The following ARB2A variants were observed in gnomAD, a reference collection of about 807,000 sequenced individuals.
ARB2A encodes cotranscriptional regulator ARB2A.
chr5:93,706,012 T>A, the ARB2A span, among the ~76,000 whole-genome samples: 1 of 152,128 alleles, frequency 6.6e-6, no homozygotes, highest in Non-Finnish European at 1.5e-5. Context: ...AACAGAAAAT[T>A]ACTATATGAC....
chr5:93,698,225 A>G, the ARB2A span, among the ~76,000 whole-genome samples: 3 of 152,168 alleles, frequency 2.0e-5, no homozygotes, highest in South Asian at 2.1e-4. Flanking sequence ...GTTATTTCCA[A>G]GTTGGCATTC....
At chr5:94,011,986 C>A in the ARB2A span, among the ~76,000 whole-genome samples, 1 of 141,700 alleles carries the variant, frequency 7.1e-6, no homozygotes, top group East Asian at 2.0e-4. Context: ...GGAAAATGAG[C>A]GTTCAGATAG....
the ARB2A span, among the ~76,000 whole-genome samples, chr5:93,844,994 T>C: frequency 2.0e-5 from 3 of 152,330 alleles, no homozygotes; most frequent in South Asian, 2.1e-4. Context: ...AGGTAGACCA[T>C]GGAAAGCTTA....
the ARB2A span, among the ~76,000 whole-genome samples, chr5:93,964,170 G>A: frequency 6.6e-6 from 1 of 152,014 alleles, no homozygotes; most frequent in South Asian, 2.1e-4. Context: ...AGTGAAATGA[G>A]AAAGGGTACA....
chr5:93,786,604 G>GT, the ARB2A span, among the ~76,000 whole-genome samples: 1 of 152,204 alleles, frequency 6.6e-6, no homozygotes, highest in Admixed American at 6.5e-5. Flanking sequence ...TTTAGGATTA[G>GT]TAGAATTGTG....
At chr5:93,752,342 A>G in the ARB2A span, among the ~76,000 whole-genome samples, 2 of 152,358 alleles carry the variant, frequency 1.3e-5, no homozygotes, top group Admixed American at 1.3e-4. Context: ...TAGTGTTTCC[A>G]TATTAACTCA....
the ARB2A span, among the ~76,000 whole-genome samples, chr5:93,926,428 C>T: frequency 5.3e-5 from 8 of 152,016 alleles, no homozygotes; most frequent in African/African-American, 1.4e-4. Context: ...CCACCGTGCC[C>T]GGCCTATATT....
At chr5:93,778,618 G>A in the ARB2A span, among the ~76,000 whole-genome samples, 2 of 152,072 alleles carry the variant, frequency 1.3e-5, no homozygotes, top group African/African-American at 4.8e-5. Context: ...GACAGGCAGC[G>A]ATTAGGTACT....
the ARB2A span, among the ~76,000 whole-genome samples, chr5:93,762,608 C>A: frequency 2.0e-5 from 3 of 152,154 alleles, no homozygotes; most frequent in African/African-American, 7.2e-5. Flanking sequence ...GAGAATGGAA[C>A]GAAGTTGGAA....
chr5:93,657,872 C>T, the ARB2A span, among the ~76,000 whole-genome samples: 2 of 152,228 alleles, frequency 1.3e-5, no homozygotes, highest in Non-Finnish European at 2.9e-5. Context: ...CTACACAGTA[C>T]CCTTGGCACA....
chr5:93,949,837 A>G, the ARB2A span, among the ~76,000 whole-genome samples: 1 of 151,934 alleles, frequency 6.6e-6, no homozygotes, highest in Non-Finnish European at 1.5e-5. Context: ...TCCACTCTCT[A>G]TCTCCCTGAG....
the ARB2A span, among the ~76,000 whole-genome samples, chr5:94,034,235 A>G: frequency 6.6e-6 from 1 of 152,336 alleles, no homozygotes; most frequent in South Asian, 2.1e-4. Context: ...AAGGTCAGCT[A>G]TCTGGTAACC....
At chr5:93,852,330 G>A in the ARB2A span, among the ~76,000 whole-genome samples, 36 of 152,106 alleles carry the variant, frequency 2.4e-4, no homozygotes, top group Non-Finnish European at 3.5e-4. Context: ...ATTTGTTGGA[G>A]TTCATTATAG....
chr5:94,039,534 G>GT, the ARB2A span, among the ~76,000 whole-genome samples: 1 of 152,154 alleles, frequency 6.6e-6, no homozygotes, highest in Admixed American at 6.5e-5. Flanking sequence ...TGTACCCCTT[G>GT]TTCAGCATAT....
At chr5:93,858,207 G>C in the ARB2A span, among the ~76,000 whole-genome samples, 1 of 152,200 alleles carries the variant, frequency 6.6e-6, no homozygotes, top group Non-Finnish European at 1.5e-5. Flanking sequence ...AAGCTCATTA[G>C]AGATTCAGAA....
chr5:93,924,194 T>C, the ARB2A span, among the ~76,000 whole-genome samples: 11 of 152,128 alleles, frequency 7.2e-5, no homozygotes, highest in Non-Finnish European at 1.2e-4. Flanking sequence ...TAGATCATTT[T>C]TGAAACCACT....
At chr5:93,904,931 T>C in the ARB2A span, among the ~76,000 whole-genome samples, 4 of 151,686 alleles carry the variant, frequency 2.6e-5, no homozygotes, top group Admixed American at 6.6e-5. Context: ...ATTAGAAGCA[T>C]AGGCCTAAAA....
chr5:93,853,011 G>T, the ARB2A span, among the ~76,000 whole-genome samples: 1 of 152,318 alleles, frequency 6.6e-6, no homozygotes, highest in Middle Eastern at 3.4e-3. Flanking sequence ...TTGGTAGCTT[G>T]ATGGGGATGG....
At chr5:93,688,576 T>C in the ARB2A span, among the ~76,000 whole-genome samples, 753 of 152,322 alleles carry the variant, frequency 4.9e-3, 6 homozygotes, top group African/African-American at 0.017. Flanking sequence ...TTTCCTTTTC[T>C]TTTTAAAAAA....
Sources: gnomAD v4.1 joint callset for allele counts (sites outside exome capture counted in the v4.1 genomes callset) on GRCh38, gnomAD v4.1.1 for gene constraint, MANE v1.5 for transcripts, NCBI Gene and HGNC (gene_info 2026-07-23, HGNC 2026-07-21) for gene names.